The following OSBP2 variants were observed in gnomAD, a reference collection of about 807,000 sequenced individuals.
OSBP2 encodes oxysterol-binding protein 2.
A neutral mutation model predicts 96.0 loss-of-function variants in OSBP2; 66 were observed. The ratio of observed to expected loss-of-function variants is 0.69; its 90% CI spans 0.56 to 0.84. The LOEUF (loss-of-function observed/expected upper bound fraction) is 0.84, where lower values mean the gene tolerates loss of function less well. Ranked by LOEUF, OSBP2 falls within the 40% of genes least tolerant of loss-of-function variation. The pLI is 0.00. For missense variants in OSBP2, 1,038 were observed against 1,222.7 expected (o/e 0.85, Z 2.25); for synonymous variants, 525 against 520.9 (o/e 1.01, Z -0.11).
intron 3 of OSBP2, among the ~76,000 whole-genome samples, chr22:30,874,689 G>A (rs901444260): frequency 2.0e-5 from 3 of 152,232 alleles, no homozygotes; most frequent in Non-Finnish European, 4.4e-5. Context: ...AAGGTGCTCA[G>A]AGGTGGTTTC....
chr22:30,881,557 C>A lies in OSBP2; in HGVS notation c.1108-5869C>A. On this transcript the variant is annotated intron_variant, in intron 3 of 13. Transcript: ENST00000332585. The surrounding 1 kb of genome is among the most constrained non-coding windows in gnomAD (Gnocchi z 4.5). ...ACACAGCCTCAGAGAAATGAGACCACGTTCAGGCCTGGGCTGGGTCAGCCA... is the reference window on the plus strand; with the variant it reads ...ACACAGCCTCAGAGAAATGAGACCAAGTTCAGGCCTGGGCTGGGTCAGCCA... 3.9e-6 allele frequency: 3 copies of A among 767,580 alleles called. No homozygotes were observed. Among genetic ancestry groups the A allele is most frequent in the Non-Finnish European group, 3.7e-6 (2 of 544,362 alleles). The allele number at this position is 767,580 out of a possible 1,614,324, so 47.5% of individuals were successfully genotyped here.
intron 2 of OSBP2, among the ~76,000 whole-genome samples, chr22:30,843,073 C>T (rs541677446): frequency 1.5e-4 from 23 of 152,244 alleles, no homozygotes; most frequent in Non-Finnish European, 2.4e-4. Flanking sequence ...TGTGAGCCAC[C>T]GCACCCGGCC....
intron 1 of OSBP2, among the ~76,000 whole-genome samples, chr22:30,717,558 A>G (rs1464497627): frequency 2.6e-5 from 4 of 152,222 alleles, no homozygotes; most frequent in Non-Finnish European, 5.9e-5. Flanking sequence ...CCCTTCTCAC[A>G]TCTCTAGGCT....
chr22:30,756,511 G>A lies in OSBP2; in HGVS notation c.853+15142G>A, dbSNP rs139296966. Among the ~76,000 whole-genome samples, 1,264 of 152,206 alleles carry A rather than the reference G, an allele frequency of 8.3e-3. 11 individuals carry two copies. The highest frequency in any genetic ancestry group is 0.024 in the Middle Eastern group (7 of 294). On this transcript the variant is annotated intron_variant, in intron 2 of 13. Transcript: ENST00000332585. ...AGTTCCAGACCAGCCTGACCAATAC[G>A]GTGAAACCCCGTCTCTAGTAAAAAT...
intron 1 of OSBP2, 114 bp downstream of exon 1, chr22:30,695,667 G>A (rs2089016894): frequency 6.7e-7 from 1 of 1,496,362 alleles, no homozygotes. Context: ...GATGTTTAGG[G>A]GCATGCATTC....
Position 30,905,845 on chromosome 22 carries a change from C to G in OSBP2, c.2384C>G (p.Ala795Gly), listed in dbSNP as rs1387950084. The G allele has an allele frequency of 6.2e-7, 1 of 1,613,146 alleles. No individual in the cohort carries two copies. The highest frequency in any genetic ancestry group is 8.5e-7 in the Non-Finnish European group (1 of 1,179,568). ...CACCACCACCGCCACAGGGAGAACG[C>G]GGAGAACATGTACTACTTCTCAGAG... ...LWKKYPLPEN[A>G]ENMYYFSELA... The change falls in exon 13 of 14, where the codon GCG becomes GGG. Residue 795 changes from alanine to glycine, a missense_variant. Coordinates refer to ENST00000332585, the MANE Select transcript of OSBP2 (RefSeq NM_030758.4).
chr22:30,738,077 C>CT (rs572534320), intron 1 of OSBP2, among the ~76,000 whole-genome samples: 367 of 144,186 alleles, frequency 2.5e-3, no homozygotes, highest in South Asian at 0.011. Flanking sequence ...TTTTCTTTTC[C>CT]TTTTTTTTTT....
intron 2 of OSBP2, among the ~76,000 whole-genome samples, chr22:30,858,195 G>A (rs1426863477): frequency 6.7e-6 from 1 of 148,150 alleles, no homozygotes; most frequent in African/African-American, 2.6e-5. Flanking sequence ...GCCGGACTGC[G>A]GACTGCAGTG....
chr22:30,844,805 G>A (rs947899593), intron 2 of OSBP2: 2 of 152,230 alleles, frequency 1.3e-5, no homozygotes, highest in African/African-American at 4.8e-5. Flanking sequence ...GTTTGGGCCT[G>A]TCTTAACTTT....
At chr22:30,727,138 T>A (rs1164975761) in intron 1 of OSBP2, among the ~76,000 whole-genome samples, 1 of 152,176 alleles carries the variant, frequency 6.6e-6, no homozygotes, top group Non-Finnish European at 1.5e-5. Context: ...CCATCACATC[T>A]TAAATGGCTG....
chr22:30,760,520 A>T (rs1418666026), intron 2 of OSBP2, among the ~76,000 whole-genome samples: 1 of 152,160 alleles, frequency 6.6e-6, no homozygotes, highest in Non-Finnish European at 1.5e-5. Context: ...CCATGTTTGA[A>T]AATCAATAAA....
In OSBP2 at chr22:30,695,038, G is replaced by A. The variant is rs1299736049; in HGVS notation, c.129G>A (p.Thr43=). 1 of 1,589,854 alleles carries A rather than the reference G, an allele frequency of 6.3e-7. No homozygotes were observed. The highest frequency in any genetic ancestry group is 8.5e-7 in the Non-Finnish European group (1 of 1,169,908). ...HTAAPGMSAS[T]SGSGPEPKPQ... ...CGGCGCCGGGCATGAGCGCTTCCAC[G>A]TCCGGCTCCGGGCCGGAGCCCAAGC... Residue 43 remains threonine, a synonymous_variant, in exon 1 of 14, where the codon ACG becomes ACA. Coordinates refer to ENST00000332585, the MANE Select transcript of OSBP2 (RefSeq NM_030758.4).
At chr22:30,822,501 G>A in intron 2 of OSBP2, 1 of 1,349,376 alleles carries the variant, frequency 7.4e-7, no homozygotes, top group Non-Finnish European at 9.5e-7. Context: ...GTGGTAACGC[G>A]GCGCCGGGAC....
chr22:30,816,125 T>TA (rs571593003), intron 2 of OSBP2, among the ~76,000 whole-genome samples: 18 of 151,370 alleles, frequency 1.2e-4, no homozygotes, highest in East Asian at 1.9e-4. Context: ...ATTAAATAAT[T>TA]AAAAAAAAAT....
chr22:30,873,672 G>A (rs1191643498), intron 3 of OSBP2, among the ~76,000 whole-genome samples: 2 of 152,198 alleles, frequency 1.3e-5, no homozygotes, highest in African/African-American at 4.8e-5. Flanking sequence ...CCTGCATTAG[G>A]GAAATCTCTA....
At position 30,887,501 on chromosome 22, in the gene OSBP2, C is replaced by T; in HGVS notation, c.1183C>T (p.Gln395Ter). ...WQRALQYEQE[Q>*]RVHLEETIEQ... ...GCGGGCACTGCAGTATGAGCAGGAG[C>T]AGCGCGTGCACTTGGAGGAAACCAT... Residue 395 changes from glutamine to a stop codon, truncating the protein, a stop_gained, in exon 4 of 14, where the codon CAG becomes TAG. Transcript: ENST00000332585. LOFTEE classifies it high-confidence loss of function. 6.2e-7 allele frequency: 1 copy of T among 1,613,792 alleles called. No individual in the cohort carries two copies. Among genetic ancestry groups the T allele is most frequent in the East Asian group, 2.2e-5 (1 of 44,878 alleles).
At chr22:30,772,758 A>G (rs1410819814) in intron 2 of OSBP2, among the ~76,000 whole-genome samples, 2 of 151,244 alleles carry the variant, frequency 1.3e-5, no homozygotes, top group Admixed American at 1.3e-4. Context: ...GAGGTGTCAC[A>G]TACCACACGG....
chr22:30,897,659 CG>C (rs1387349635), intron 12 of OSBP2, among the ~76,000 whole-genome samples: 1 of 152,006 alleles, frequency 6.6e-6, no homozygotes, highest in African/African-American at 2.4e-5. Flanking sequence ...GATATTTGGC[CG>C]GGATGGTGAC....
chr22:30,795,215 A>G (rs1255397461), intron 2 of OSBP2, among the ~76,000 whole-genome samples: 2 of 151,770 alleles, frequency 1.3e-5, no homozygotes, highest in South Asian at 2.1e-4. Context: ...CTGACCTAAG[A>G]TTTTCTATCT....
Sources: gnomAD v4.1 joint callset for allele counts (sites outside exome capture counted in the v4.1 genomes callset) on GRCh38, gnomAD v4.1.1 for gene constraint, Gnocchi (gnomAD v3.1) non-coding constraint, MANE v1.5 for transcripts, NCBI Gene and HGNC (gene_info 2026-07-23, HGNC 2026-07-21) for gene names.